The following TIMELESS variants were observed in gnomAD, a reference collection of about 807,000 sequenced individuals.
The protein encoded by TIMELESS is protein timeless homolog.
In TIMELESS, 124 loss-of-function variants were observed where a neutral mutation model predicts 164.3. The observed-to-expected ratio is 0.75, with a 90% CI of 0.65 to 0.88. The LOEUF is 0.88. TIMELESS is among the 40% of genes least tolerant of loss of function. The probability of loss-of-function intolerance (pLI) is 0.00; values close to 1 mark genes in which losing one functional copy is unlikely to be tolerated. For synonymous variants in TIMELESS, 564 were observed against 563.4 expected (o/e 1.00, Z -0.02); for missense variants, 1,422 against 1,491.4 (o/e 0.95, Z 0.77).
chr12:56,448,552 C>T (rs1868433072), intron 1 of TIMELESS, among the ~76,000 whole-genome samples: 1 of 151,374 alleles, frequency 6.6e-6, no homozygotes, highest in South Asian at 2.1e-4. Context: ...AGGTGAAACC[C>T]CCATCTCTAC....
Position 56,424,907 on chromosome 12 carries a change from C to G in TIMELESS, c.1723G>C (p.Glu575Gln). 6.2e-7 allele frequency: 1 copy of G among 1,614,168 alleles called. No individual in the cohort carries two copies. Among genetic ancestry groups the G allele is most frequent in the Non-Finnish European group, 8.5e-7 (1 of 1,180,032 alleles). The change falls in exon 15 of 29, where the codon GAG (glutamate) becomes CAG (glutamine). Residue 575 changes from glutamate to glutamine, a missense_variant. Transcript: ENST00000553532. ...GGAACCACGGAGTCCATGCTGAGCT[C>G]AGAATTCTAGAGATGGATAAAGCTA... is the stretch of plus-strand genomic sequence containing the variant. ...EQLQCCAQNS[E>Q]LSMDSVVPFD... is the part of the protein sequence containing the mutation.
rs907078489 is a variant in TIMELESS, at chr12:56,418,449, G to T, written c.3229-90C>A. ...ATTGAATATATATGACCCAATATTGGTGAAGATCCACAAGGGTTGTGAACT... is the reference window on the plus strand; with the variant it reads ...ATTGAATATATATGACCCAATATTGTTGAAGATCCACAAGGGTTGTGAACT... On this transcript the variant is annotated intron_variant, in intron 26 of 28. Coordinates refer to ENST00000553532, the MANE Select transcript of TIMELESS (RefSeq NM_003920.5). The T allele has an allele frequency of 1.4e-5, 12 of 867,856 alleles. No individual in the cohort carries two copies. The African/African-American group carries it at 1.7e-4, about 12-fold the overall frequency. 53.8% of individuals were successfully genotyped at this position (867,856 alleles called of 1,614,324 possible).
Position 56,430,132 on chromosome 12 carries a change from A to G in TIMELESS, c.1059T>C (p.Cys353=), listed in dbSNP as rs1196994361. 3.7e-6 allele frequency: 6 copies of G among 1,613,504 alleles called. No individual in the cohort carries two copies. In the African/African-American group the frequency reaches 5.3e-5, roughly 14 times the overall value. The change falls in exon 10 of 29, where the codon TGT becomes TGC. Residue 353 remains cysteine (C), a synonymous_variant. Transcript: ENST00000553532. The stretch of plus-strand genomic sequence containing the variant: ...TTACTGATCCCATGAGCCGGTTGTA[A>G]CAGTTCTCCAGGAACTCAGAGCAGA... ...RDFCSEFLEN[C]YNRLMGSVKD...
At position 56,431,469 on chromosome 12, in the gene TIMELESS, A is replaced by C; in HGVS notation, c.821+2T>G. 2 of 1,604,724 alleles carry C rather than the reference A, an allele frequency of 1.2e-6. No homozygotes were observed. Among genetic ancestry groups the C allele is most frequent in the Non-Finnish European group, 1.7e-6 (2 of 1,177,080 alleles). The stretch of plus-strand genomic sequence containing the variant: ...AAAAGAACCTGCCTCTCTGTCACTC[A>C]CCTGTTGCCTCGCTGGAGGGCTCGA... On this transcript the variant is annotated splice_donor_variant, in intron 8 of 28. Transcript: ENST00000553532. LOFTEE classifies it high-confidence loss of function.
At chr12:56,430,078 A>C in intron 10 of TIMELESS, 27 bp downstream of exon 10, 1 of 1,578,800 alleles carries the variant, frequency 6.3e-7, no homozygotes, top group South Asian at 1.2e-5. Context: ...ATTCCTGATT[A>C]TCTCCATATC....
chr12:56,446,731 C>T (rs772582649), intron 1 of TIMELESS, among the ~76,000 whole-genome samples: 21 of 150,870 alleles, frequency 1.4e-4, no homozygotes, highest in Non-Finnish European at 2.7e-4. Context: ...ACTTGGGAGG[C>T]TGAGCCAGGA....
At chr12:56,435,815 C>T (rs751281300) in intron 1 of TIMELESS, among the ~76,000 whole-genome samples, 1 of 151,970 alleles carries the variant, frequency 6.6e-6, no homozygotes, top group Non-Finnish European at 1.5e-5. Flanking sequence ...AAAAATTAGC[C>T]AGGCGCGATG....
At chr12:56,422,404 C>A (rs924858006) in intron 19 of TIMELESS, among the ~76,000 whole-genome samples, 4 of 152,106 alleles carry the variant, frequency 2.6e-5, no homozygotes, top group Non-Finnish European at 5.9e-5. Context: ...CCAGGTTGGG[C>A]CAATGGAACC....
At chr12:56,423,049 G>A in intron 18 of TIMELESS, 57 bp from the exon 19 acceptor site, 2 of 1,567,124 alleles carry the variant, frequency 1.3e-6, no homozygotes, top group South Asian at 2.4e-5. Flanking sequence ...ACCCGAACCT[G>A]GCCCTCTAGG....
chr12:56,432,462 C>T lies in TIMELESS; in HGVS notation c.594G>A (p.Leu198=), dbSNP rs762889735. 2.5e-6 allele frequency: 4 copies of T among 1,614,208 alleles called. No individual in the cohort carries two copies. Among genetic ancestry groups the T allele is most frequent in the Non-Finnish European group, 3.4e-6 (4 of 1,180,038 alleles). ...QLLWAIHLSG[L]DDLLLFLASS... is the part of the protein sequence containing the mutation. ...TGGCCAGAAAGAGGAGCAGGTCATC[C>T]AGGCCGCTGAGGTGAATCGCCCAGA... Residue 198 remains leucine, a synonymous_variant, in exon 7 of 29, where the codon CTG becomes CTA. Coordinates refer to ENST00000553532, the MANE Select transcript of TIMELESS (RefSeq NM_003920.5).
In TIMELESS at chr12:56,423,652, C is replaced by T. The variant is rs1417124323; in HGVS notation, c.2022G>A (p.Glu674=). The T allele has an allele frequency of 1.9e-6, 3 of 1,612,812 alleles. No homozygotes were observed. The East Asian group carries it at 6.7e-5, about 36-fold the overall frequency. ...GAEEEEEEEE[E]EEEELQVVQV... ...GGACCACTTGCAACTCCTCCTCTTC[C>T]TCCTCCTCCTCCTCTTCTTCTTCCT... Residue 674 remains glutamate, a synonymous_variant, in exon 17 of 29, where the codon GAG becomes GAA. Transcript: ENST00000553532.
chr12:56,419,860 A>G (rs1881396857), intron 26 of TIMELESS, among the ~76,000 whole-genome samples: 1 of 151,162 alleles, frequency 6.6e-6, no homozygotes, highest in East Asian at 1.9e-4. Flanking sequence ...ACAAAAAATT[A>G]GCTGGGAGTG....
At chr12:56,430,343 C>T (rs1257554999) in intron 9 of TIMELESS, 62 bp from the exon 10 acceptor site, 14 of 1,529,664 alleles carry the variant, frequency 9.2e-6, no homozygotes, top group South Asian at 2.5e-5. Context: ...TTGCAGCTCT[C>T]GTCAATTTTC....
At position 56,432,510 on chromosome 12, in the gene TIMELESS, G is replaced by A. The variant is rs72478989; in HGVS notation, c.546C>T (p.Asp182=). The part of the protein sequence containing the change: ...DLDQEKKIDD[D]ASAHDQLLWA... Reference sequence around the variant, plus strand: ...AGAGGAGCTGGTCATGGGCACTGGCGTCATCATCAATCTTCTGAGCAGTGA... The same window carrying A: ...AGAGGAGCTGGTCATGGGCACTGGCATCATCATCAATCTTCTGAGCAGTGA... The change falls in exon 7 of 29, where the codon GAC becomes GAT. Residue 182 remains aspartate, a synonymous_variant. Coordinates refer to ENST00000553532, the MANE Select transcript of TIMELESS (RefSeq NM_003920.5). 8.0e-5 allele frequency: 129 copies of A among 1,613,892 alleles called. 1 individual carries two copies. In the East Asian group the frequency reaches 1.7e-3, roughly 22 times the overall value.
In TIMELESS at chr12:56,430,938, G is replaced by C. The variant is rs1881854875; in HGVS notation, c.852C>G (p.Val284=). The C allele has an allele frequency of 1.2e-6, 2 of 1,602,902 alleles. No homozygotes were observed. Among genetic ancestry groups the C allele is most frequent in the East Asian group, 4.6e-5 (2 of 43,808 alleles). ...RHSRFGGSYI[V]QGLKSIGERD... ...TCTCCCCAATGGATTTCAACCCCTG[G>C]ACAATATAGGAGCCCCCAAATCGAG... Residue 284 remains valine (V), a synonymous_variant, in exon 9 of 29, where the codon GTC becomes GTG. Transcript: ENST00000553532.
At chr12:56,420,718 G>A in intron 25 of TIMELESS, 31 bp from the exon 26 acceptor site, 2 of 1,613,492 alleles carry the variant, frequency 1.2e-6, no homozygotes, top group Non-Finnish European at 1.7e-6. Context: ...ATATGGTGAA[G>A]ATATAAGGGA....
At chr12:56,425,883 A>G (rs1881660677) in intron 13 of TIMELESS, among the ~76,000 whole-genome samples, 1 of 152,074 alleles carries the variant, frequency 6.6e-6, no homozygotes, top group East Asian at 1.9e-4. Context: ...TAAAAAAATA[A>G]ATAAATAAAT....
In TIMELESS at chr12:56,420,888, A is replaced by G. The variant is rs201008145; in HGVS notation, c.3041-7T>C. The G allele has an allele frequency of 3.7e-4, 598 of 1,614,132 alleles. No individual in the cohort carries two copies. Among genetic ancestry groups the G allele is most frequent in the Middle Eastern group, 2.3e-3 (14 of 6,062 alleles). ...AGGAGCGGGATAGAAAAGCCTAAGGAAATGAGGGAAACTTACATTTGACCC... is the reference window on the plus strand; with the variant it reads ...AGGAGCGGGATAGAAAAGCCTAAGGGAATGAGGGAAACTTACATTTGACCC... On this transcript the variant is annotated splice_polypyrimidine_tract_variant and splice_region_variant and intron_variant, in intron 24 of 28. Coordinates refer to ENST00000553532, the MANE Select transcript of TIMELESS (RefSeq NM_003920.5).
chr12:56,417,881 AAAG>A (rs1881317262), intron 28 of TIMELESS, 23 bp downstream of exon 28: 1 of 1,614,050 alleles, frequency 6.2e-7, no homozygotes, highest in Middle Eastern at 1.6e-4. Flanking sequence ...TAGAGAAGAA[AAAG>A]AAGGTCCCAT....
Sources: gnomAD v4.1 joint callset for allele counts (sites outside exome capture counted in the v4.1 genomes callset) on GRCh38, gnomAD v4.1.1 for gene constraint, MANE v1.5 for transcripts, NCBI Gene and HGNC (gene_info 2026-07-23, HGNC 2026-07-21) for gene names.